Variants in JAKMIP3 observed in about 807,000 individuals in gnomAD.
The protein encoded by JAKMIP3 is janus kinase and microtubule-interacting protein 3.
A neutral mutation model predicts 118.5 loss-of-function variants in JAKMIP3; 58 were observed. The ratio of observed to expected loss-of-function variants is 0.49; its 90% CI spans 0.40 to 0.61. The LOEUF (loss-of-function observed/expected upper bound fraction) is 0.61. Among genes scored for constraint, JAKMIP3 ranks in the 20% least tolerant of loss-of-function variants. The pLI, the probability that JAKMIP3 is intolerant of heterozygous loss-of-function variation, is 0.00. For missense variants in JAKMIP3, 950 were observed against 1,109.0 expected, an observed-to-expected ratio of 0.86 and a Z score of 2.04; for synonymous variants, 486 against 451.2, an observed-to-expected ratio of 1.08 and a Z score of -0.98.
intron 1 of JAKMIP3, among the ~76,000 whole-genome samples, chr10:132,051,807 A>G (rs868420566): frequency 1.1e-4 from 16 of 152,282 alleles, no homozygotes; most frequent in African/African-American, 3.6e-4. Flanking sequence ...GCGTTTCGCC[A>G]CATTGCCCAG....
intron 1 of JAKMIP3, among the ~76,000 whole-genome samples, chr10:132,102,496 T>TCCAC (rs2134807231): frequency 6.6e-6 from 1 of 152,218 alleles, no homozygotes; most frequent in East Asian, 1.9e-4. Flanking sequence ...AGAGCTGACA[T>TCCAC]CCACCCTGCC....
chr10:132,139,475 TGA>T (rs1224794919), intron 9 of JAKMIP3, among the ~76,000 whole-genome samples: 6 of 147,496 alleles, frequency 4.1e-5, no homozygotes, highest in Non-Finnish European at 6.1e-5. Flanking sequence ...TGTGTATGTG[TGA>T]GTGTGTGTGA....
intron 2 of JAKMIP3, among the ~76,000 whole-genome samples, chr10:132,110,169 G>A (rs1039908158): frequency 2.0e-5 from 3 of 152,226 alleles, no homozygotes; most frequent in African/African-American, 7.2e-5. Flanking sequence ...TGCCCCACCG[G>A]CCTCCTGTAG....
At chr10:132,097,971 T>TTCCCC (rs2044230137) in intron 1 of JAKMIP3, among the ~76,000 whole-genome samples, 2 of 26,338 alleles carry the variant, frequency 7.6e-5, no homozygotes, top group Admixed American at 3.9e-4. Context: ...CTTTCCTTCC[T>TTCCCC]TTTCTCCCCT....
chr10:132,088,754 T>G (rs2042736390), intron 1 of JAKMIP3, among the ~76,000 whole-genome samples: 1 of 152,214 alleles, frequency 6.6e-6, no homozygotes, highest in Non-Finnish European at 1.5e-5. Context: ...CCCATTGCTT[T>G]TGGTGTTTTA....
At chr10:132,175,631 C>T (rs1463600235) in intron 23 of JAKMIP3, among the ~76,000 whole-genome samples, 1 of 152,194 alleles carries the variant, frequency 6.6e-6, no homozygotes, top group East Asian at 1.9e-4. Flanking sequence ...AGATTTACAG[C>T]TTCTGTGGAG....
intron 3 of JAKMIP3, among the ~76,000 whole-genome samples, chr10:132,133,052 C>G (rs2050944357): frequency 6.6e-6 from 1 of 152,220 alleles, no homozygotes; most frequent in African/African-American, 2.4e-5. Context: ...GGGTGCCTTG[C>G]TGAGCACACA....
chr10:132,180,606 T>G lies in JAKMIP3; in HGVS notation c.*1104-1751T>G, dbSNP rs1281226524. ...GTGCGCGTGTGTGTGTGCGTGCGCG[T>G]GTGTGTGTGCGTGTGTGTGCGTGTG... On this transcript the variant is annotated intron_variant, in intron 23 of 23. Coordinates refer to ENST00000684848, the MANE Select transcript of JAKMIP3 (RefSeq NM_001323087.2). Among the ~76,000 whole-genome samples the G allele has an allele frequency of 6.0e-4, 15 of 24,800 alleles. 2 individuals carry two copies. The highest frequency in any genetic ancestry group is 9.5e-4 in the African/African-American group (4 of 4,230). The allele number at this position is 24,800 out of a possible 152,430, so 16.3% of individuals were successfully genotyped here.
At chr10:132,113,633 G>T (rs749167852) in intron 2 of JAKMIP3, among the ~76,000 whole-genome samples, 5 of 152,226 alleles carry the variant, frequency 3.3e-5, no homozygotes, top group African/African-American at 4.8e-5. Context: ...AAGAGATAGC[G>T]GGGCTTTGTG....
chr10:132,144,883 T>G (rs1354714110), intron 11 of JAKMIP3, among the ~76,000 whole-genome samples: 1 of 152,020 alleles, frequency 6.6e-6, no homozygotes, highest in Non-Finnish European at 1.5e-5. Flanking sequence ...GAGCCAAGAT[T>G]GTGCCACTGA....
At chr10:132,048,989 CT>C (rs979341375) in intron 1 of JAKMIP3, among the ~76,000 whole-genome samples, 14 of 150,540 alleles carry the variant, frequency 9.3e-5, no homozygotes, top group East Asian at 1.9e-4. Flanking sequence ...TTTCGTGGAG[CT>C]TTTTTTTTTT....
At chr10:132,073,959 A>G (rs1309969563) in intron 1 of JAKMIP3, among the ~76,000 whole-genome samples, 3 of 152,206 alleles carry the variant, frequency 2.0e-5, no homozygotes, top group Non-Finnish European at 2.9e-5. Context: ...ACGGTTTTCC[A>G]TAGAGGTTGT....
At chr10:132,159,862 GTGATGCTGGGGGGGTC>G (rs1284390679) in intron 19 of JAKMIP3, among the ~76,000 whole-genome samples, 1 of 82,786 alleles carries the variant, frequency 1.2e-5, no homozygotes, top group Admixed American at 1.2e-4. Flanking sequence ...CTCTCCCTGT[GTGATGCTGGGGGGGTC>G]TCTTCCTGTG....
At chr10:132,108,502 C>T (rs780130285) in intron 2 of JAKMIP3, among the ~76,000 whole-genome samples, 1 of 152,092 alleles carries the variant, frequency 6.6e-6, no homozygotes, top group South Asian at 2.1e-4. Context: ...GGGTGGGACA[C>T]AGGTGGAGCC....
intron 2 of JAKMIP3, among the ~76,000 whole-genome samples, chr10:132,106,477 C>T (rs1400441880): frequency 1.3e-5 from 2 of 152,194 alleles, no homozygotes; most frequent in East Asian, 3.8e-4. Flanking sequence ...TGCCATGAGT[C>T]CCTCCTCTGT....
intron 23 of JAKMIP3, among the ~76,000 whole-genome samples, chr10:132,172,463 G>A (rs908696650): frequency 3.9e-5 from 6 of 152,062 alleles, no homozygotes; most frequent in South Asian, 2.1e-4. Context: ...CTCCGCACCC[G>A]TTGGTGGATC....
Position 132,168,452 on chromosome 10 carries a change from A to G in JAKMIP3, c.*522A>G. The G allele has an allele frequency of 8.0e-7, 1 of 1,256,118 alleles. No homozygotes were observed. Among genetic ancestry groups the G allele is most frequent in the South Asian group, 1.3e-5 (1 of 79,490 alleles). 77.8% of individuals were successfully genotyped at this position (1,256,118 alleles called of 1,614,324 possible). On this transcript the variant is annotated 3_prime_UTR_variant, in exon 23 of 24. Coordinates refer to ENST00000684848, the MANE Select transcript of JAKMIP3 (RefSeq NM_001323087.2). ...CAGGGGAACCTGGAGGCTCCCTGGG[A>G]TGGTCCTGGGAGGGCTCCCCGACGC...
At chr10:132,159,421 A>AT (rs2057589725) in intron 19 of JAKMIP3, among the ~76,000 whole-genome samples, 1 of 69,680 alleles carries the variant, frequency 1.4e-5, no homozygotes, top group Admixed American at 2.3e-4. Flanking sequence ...ATTCCTGTGG[A>AT]TGCCGGGGGT....
rs1164637306 is a variant in JAKMIP3, at chr10:132,180,624, TGCGTGTGTGC to T, written c.*1104-1731_*1104-1722del. Among the ~76,000 whole-genome samples, 25 of 18,080 alleles carry T rather than the reference TGCGTGTGTGC, an allele frequency of 1.4e-3. 10 individuals are homozygous for T. Among genetic ancestry groups the T allele is most frequent in the South Asian group, 3.8e-3 (2 of 526 alleles). 11.9% of individuals were successfully genotyped at this position (18,080 alleles called of 152,430 possible). A position where few individuals can be genotyped will look rare whatever the true frequency, so the allele number is the denominator to read the frequency against. Reference sequence around the variant, plus strand: ...GTGCGCGTGTGTGTGTGCGTGTGTGTGCGTGTGTGCGTGCGTGTGTGCGTGTGCGTGTGCG... The same window carrying T: ...GTGCGCGTGTGTGTGTGCGTGTGTGTGTGCGTGTGTGCGTGTGCGTGTGCG... On this transcript the variant is annotated intron_variant, in intron 23 of 23. Coordinates refer to ENST00000684848, the MANE Select transcript of JAKMIP3 (RefSeq NM_001323087.2).
Sources: allele counts gnomAD v4.1 joint callset (sites outside exome capture counted in the v4.1 genomes callset), GRCh38; gene constraint gnomAD v4.1.1; transcripts MANE v1.5; gene names NCBI Gene and HGNC (gene_info 2026-07-23, HGNC 2026-07-21).